The following MAGOH variants were observed in gnomAD, a reference collection of about 807,000 sequenced individuals.
MAGOH encodes mago homolog, exon junction complex subunit.
In MAGOH, 3 loss-of-function variants were observed where a neutral mutation model predicts 20.9. The observed-to-expected ratio is 0.14, with a 90% CI of 0.07 to 0.37. MAGOH has a LOEUF of 0.37. MAGOH is among the 10% of genes least tolerant of loss of function. The pLI, the probability that MAGOH is intolerant of heterozygous loss-of-function variation, is 1.00. For missense variants in MAGOH, 66 were observed against 178.1 expected (o/e 0.37, Z 3.58); for synonymous variants, 51 against 61.0 (o/e 0.84, Z 0.76).
At position 53,229,197 on chromosome 1, in the gene MAGOH, GT is replaced by G. The variant is rs779983646; in HGVS notation, c.259-244del. On this transcript the variant is annotated intron_variant, in intron 3 of 4. Coordinates refer to ENST00000371470, the MANE Select transcript of MAGOH (RefSeq NM_002370.4). The stretch of plus-strand genomic sequence containing the variant: ...CTCAGATTTGGAAAAATCTATGTAG[GT>G]TTTTTTTTTTTTTTTCCTGAGACAG... 3.3e-3 allele frequency among the ~76,000 whole-genome samples: 469 copies of G among 141,378 alleles called. 1 individual carries two copies. The highest frequency in any genetic ancestry group is 7.6e-3 in the African/African-American group (294 of 38,638). 92.7% of individuals were successfully genotyped at this position (141,378 alleles called of 152,430 possible). A position where few individuals can be genotyped will look rare whatever the true frequency, so the allele number is the denominator to read the frequency against.
At chr1:53,228,258 T>C (rs12135400) in intron 4 of MAGOH, among the ~76,000 whole-genome samples, 39,584 of 151,736 alleles carry the variant, frequency 0.26, 6,135 homozygotes, top group East Asian at 0.45. Context: ...GGTGAAACCC[T>C]GTCTCTACTA....
Position 53,233,562 on chromosome 1 carries a change from G to A in MAGOH, c.238C>T (p.Pro80Ser). The change falls in exon 3 of 5, where the codon CCT becomes TCT. Residue 80 changes from proline (P) to serine (S), a missense_variant. By Grantham distance (74) the Pro-to-Ser change is moderately conservative (BLOSUM62 -1). Coordinates refer to ENST00000371470, the MANE Select transcript of MAGOH (RefSeq NM_002370.4). ...CACACCTGCCGGCCCACTCGGTCAGGAGGAGGCCACAATGCATCATCCTCT... is the reference window on the plus strand; with the variant it reads ...CACACCTGCCGGCCCACTCGGTCAGAAGGAGGCCACAATGCATCATCCTCT... ...TKEDDALWPP[P>S]DRVGRQELEI... 1.2e-6 allele frequency: 2 copies of A among 1,613,912 alleles called. No individual in the cohort carries two copies. The highest frequency in any genetic ancestry group is 1.7e-6 in the Non-Finnish European group (2 of 1,179,846).
chr1:53,230,525 C>T (rs1645581256), intron 3 of MAGOH, among the ~76,000 whole-genome samples: 1 of 152,078 alleles, frequency 6.6e-6, no homozygotes, highest in Non-Finnish European at 1.5e-5. Flanking sequence ...TCATGCTATA[C>T]TGCACCTTTA....
intron 2 of MAGOH, among the ~76,000 whole-genome samples, chr1:53,234,609 C>T (rs1259476889): frequency 1.3e-5 from 2 of 152,006 alleles, no homozygotes; most frequent in East Asian, 1.9e-4. Flanking sequence ...CTCCTGACCT[C>T]GTGATCCGCC....
chr1:53,238,452 T>G lies in MAGOH; in HGVS notation c.-4A>C. 1 of 1,613,208 alleles carries G rather than the reference T, an allele frequency of 6.2e-7. No individual in the cohort carries two copies. Among genetic ancestry groups the G allele is most frequent in the Non-Finnish European group, 8.5e-7 (1 of 1,179,252 alleles). On this transcript the variant is annotated 5_prime_UTR_variant, in exon 1 of 5. Coordinates refer to ENST00000371470, the MANE Select transcript of MAGOH (RefSeq NM_002370.4). ...GCAGATAAAAGTCACTCTCCATGGCTCCCAAAAGACAACCGAGCCTGAACT... is the reference window on the plus strand; with the variant it reads ...GCAGATAAAAGTCACTCTCCATGGCGCCCAAAAGACAACCGAGCCTGAACT...
chr1:53,236,925 T>C (rs899274899), intron 1 of MAGOH, among the ~76,000 whole-genome samples: 2 of 151,474 alleles, frequency 1.3e-5, no homozygotes, highest in African/African-American at 4.8e-5. Context: ...CCATTTCTAC[T>C]ATCTCTGTAG....
At chr1:53,227,261 G>A in intron 4 of MAGOH, 117 bp from the exon 5 acceptor site, 3 of 487,918 alleles carry the variant, frequency 6.1e-6, no homozygotes, top group Non-Finnish European at 1.1e-5. Context: ...AATATGCTGA[G>A]TTTTTAATAT....
At chr1:53,235,695 C>G in intron 1 of MAGOH, 60 bp from the exon 2 acceptor site, 1 of 1,388,580 alleles carries the variant, frequency 7.2e-7, no homozygotes, top group South Asian at 1.2e-5. Flanking sequence ...AGCATCAATA[C>G]CATGCCAAGG....
intron 3 of MAGOH, among the ~76,000 whole-genome samples, chr1:53,230,794 T>C (rs1645582542): frequency 6.6e-6 from 1 of 152,174 alleles, no homozygotes. Context: ...ATACATACTT[T>C]TTACATTTTT....
chr1:53,228,751 C>T, intron 4 of MAGOH, 121 bp downstream of exon 4: 1 of 734,172 alleles, frequency 1.4e-6, no homozygotes, highest in East Asian at 2.6e-5. Flanking sequence ...AAGGACAAAG[C>T]TGCCCACCTG....
chr1:53,229,848 G>A (rs898431387), intron 3 of MAGOH, among the ~76,000 whole-genome samples: 3 of 152,180 alleles, frequency 2.0e-5, no homozygotes, highest in African/African-American at 7.2e-5. Flanking sequence ...CACCCCAGGA[G>A]GTCAAGGCTG....
chr1:53,236,399 ACTC>A (rs1297501388), intron 1 of MAGOH, among the ~76,000 whole-genome samples: 5 of 152,000 alleles, frequency 3.3e-5, no homozygotes, highest in Non-Finnish European at 5.9e-5. Flanking sequence ...TAAAATCCAA[ACTC>A]CTCAACATGG....
intron 3 of MAGOH, among the ~76,000 whole-genome samples, chr1:53,229,799 G>A (rs1645577422): frequency 6.6e-6 from 1 of 152,074 alleles, no homozygotes; most frequent in Non-Finnish European, 1.5e-5. Context: ...TGCATCCGTG[G>A]TCCCAGCTAC....
chr1:53,227,627 G>A (rs1252974410), intron 4 of MAGOH, among the ~76,000 whole-genome samples: 5 of 151,976 alleles, frequency 3.3e-5, no homozygotes, highest in Admixed American at 3.3e-4. Context: ...TGTAACCTCC[G>A]CCTCCCAGGT....
intron 1 of MAGOH, among the ~76,000 whole-genome samples, chr1:53,237,984 A>C (rs1645621545): frequency 6.6e-6 from 1 of 152,168 alleles, no homozygotes; most frequent in African/African-American, 2.4e-5. Context: ...AACCTATCTA[A>C]AAGCAGCCCA....
In MAGOH at chr1:53,233,663, G is replaced by A; in HGVS notation, c.148-11C>T. ...TTTATGTACATAAGCCTGAACGCAA[G>A]TTAAAAAACAAAATGTATGTTGTAT... On this transcript the variant is annotated splice_polypyrimidine_tract_variant and intron_variant, in intron 2 of 4. Transcript: ENST00000371470. 1 of 1,548,162 alleles carries A rather than the reference G, an allele frequency of 6.5e-7. No homozygotes were observed. The highest frequency in any genetic ancestry group is 8.9e-7 in the Non-Finnish European group (1 of 1,121,242).
At chr1:53,231,462 A>T (rs1460188777) in intron 3 of MAGOH, among the ~76,000 whole-genome samples, 1 of 152,226 alleles carries the variant, frequency 6.6e-6, no homozygotes, top group Non-Finnish European at 1.5e-5. Flanking sequence ...AAATAATACA[A>T]GTCTATATTC....
chr1:53,230,800 T>C (rs1645582565), intron 3 of MAGOH, among the ~76,000 whole-genome samples: 1 of 152,168 alleles, frequency 6.6e-6, no homozygotes, highest in Non-Finnish European at 1.5e-5. Context: ...ACTTTTTACA[T>C]TTTTCATTCC....
intron 3 of MAGOH, among the ~76,000 whole-genome samples, chr1:53,230,125 A>G (rs1008244800): frequency 5.9e-5 from 9 of 152,238 alleles, no homozygotes; most frequent in Non-Finnish European, 1.2e-4. Flanking sequence ...CTTTGGACAG[A>G]TAAGTAAAAC....
Sources: allele counts gnomAD v4.1 joint callset (sites outside exome capture counted in the v4.1 genomes callset), GRCh38; gene constraint gnomAD v4.1.1; transcripts MANE v1.5; gene names NCBI Gene and HGNC (gene_info 2026-07-23, HGNC 2026-07-21).